RFC3: variants seen among roughly 807,000 people sequenced by gnomAD.
RFC3 encodes the protein replication factor C subunit 3.
Under a neutral mutation model 45.1 loss-of-function variants are expected in RFC3, and 41 were observed. That is an observed-to-expected ratio of 0.91 (90% CI 0.71 to 1.18). The LOEUF (loss-of-function observed/expected upper bound fraction) is 1.18, where lower values mean the gene tolerates loss of function less well. Among genes scored for constraint, RFC3 ranks in the 50% most tolerant of loss-of-function variants. The pLI is 0.00. For synonymous variants in RFC3, 149 were observed against 144.0 expected, an observed-to-expected ratio of 1.03 and a Z score of -0.25; for missense variants, 423 against 428.1, an observed-to-expected ratio of 0.99 and a Z score of 0.10.
chr13:33,973,409 T>C, the RFC3 span, among the ~76,000 whole-genome samples: 1 of 152,112 alleles, frequency 6.6e-6, no homozygotes, highest in Non-Finnish European at 1.5e-5. Context: ...CTGCCTTCAT[T>C]GAAACCGCTG....
intron 8 of RFC3, among the ~76,000 whole-genome samples, chr13:33,898,049 A>G (rs1293819052): frequency 6.6e-6 from 1 of 152,032 alleles, no homozygotes; most frequent in Non-Finnish European, 1.5e-5. Context: ...CTGTGATACA[A>G]TAGAAGTAGG....
At chr13:33,911,425 T>A (rs2082703179) in intron 8 of RFC3, among the ~76,000 whole-genome samples, 1 of 152,100 alleles carries the variant, frequency 6.6e-6, no homozygotes, top group Non-Finnish European at 1.5e-5. Context: ...TTAAAGCAAG[T>A]ATTTTGGGGT....
At chr13:33,916,237 C>T (rs2082732618) in intron 8 of RFC3, among the ~76,000 whole-genome samples, 2 of 152,186 alleles carry the variant, frequency 1.3e-5, no homozygotes, top group Admixed American at 1.3e-4. Context: ...ACTTTGGAGC[C>T]ACTCTTACCA....
chr13:33,876,743 A>G (rs2082449701), intron 8 of RFC3, among the ~76,000 whole-genome samples: 1 of 152,002 alleles, frequency 6.6e-6, no homozygotes, highest in South Asian at 2.1e-4. Context: ...GTTGGAATCT[A>G]CTCTTGGGTT....
intron 8 of RFC3, among the ~76,000 whole-genome samples, chr13:33,853,349 A>T (rs2082288563): frequency 6.6e-6 from 1 of 152,180 alleles, no homozygotes; most frequent in African/African-American, 2.4e-5. Flanking sequence ...GAAATAAGAG[A>T]TATGAACTCT....
downstream of RFC3, among the ~76,000 whole-genome samples, chr13:33,967,796 A>G (rs79939388): frequency 1.2e-4 from 2 of 16,114 alleles, no homozygotes; most frequent in African/African-American, 1.6e-4. Context: ...TACACCAGCA[A>G]TTCTTAAACT....
chr13:33,919,693 A>T (rs1452665982), intron 8 of RFC3, among the ~76,000 whole-genome samples: 1 of 152,078 alleles, frequency 6.6e-6, no homozygotes, highest in African/African-American at 2.4e-5. Flanking sequence ...TGCTTTTCAA[A>T]TGTCATTTTG....
intron 8 of RFC3, among the ~76,000 whole-genome samples, chr13:33,959,050 C>G (rs2083040091): frequency 1.3e-5 from 2 of 152,292 alleles, no homozygotes; most frequent in Admixed American, 1.3e-4. Flanking sequence ...GATTCTGTGT[C>G]TCCAGACATG....
chr13:33,858,299 A>G (rs2082319886), intron 8 of RFC3, among the ~76,000 whole-genome samples: 1 of 152,210 alleles, frequency 6.6e-6, no homozygotes, highest in African/African-American at 2.4e-5. Flanking sequence ...ATTCTCAGCT[A>G]TTCCAAATCA....
At position 33,852,388 on chromosome 13, in the gene RFC3, A is replaced by G. The variant is rs907396425; in HGVS notation, c.879+17171A>G. 3.3e-5 allele frequency among the ~76,000 whole-genome samples: 5 copies of G among 152,188 alleles called. 1 individual carries two copies. The highest frequency in any genetic ancestry group is 4.1e-4 in the South Asian group (2 of 4,836). On this transcript the variant is annotated intron_variant, in intron 8 of 8. Transcript: ENST00000434425. ...TTGCCTGTAAGGAGGCCTAAAGTCTAGCACTGCCCCCACCTAAAACCGTGT... is the reference window on the plus strand; with the variant it reads ...TTGCCTGTAAGGAGGCCTAAAGTCTGGCACTGCCCCCACCTAAAACCGTGT...
intron 8 of RFC3, among the ~76,000 whole-genome samples, chr13:33,880,171 G>A (rs550793218): frequency 5.3e-5 from 8 of 152,018 alleles, no homozygotes; most frequent in Non-Finnish European, 1.2e-4. Context: ...AGAATCTTTG[G>A]GGCATTGTTA....
At chr13:33,974,772 A>T in the RFC3 span, among the ~76,000 whole-genome samples, 4 of 152,246 alleles carry the variant, frequency 2.6e-5, no homozygotes, top group East Asian at 7.7e-4. Context: ...ATAAACATAT[A>T]AAAAGTTCCC....
intron 8 of RFC3, among the ~76,000 whole-genome samples, chr13:33,937,535 G>C (rs1178401674): frequency 6.6e-6 from 1 of 152,156 alleles, no homozygotes; most frequent in African/African-American, 2.4e-5. Context: ...TAGCTAGCAT[G>C]TGGCAAGTCT....
chr13:33,833,519 C>T (rs1212042749), intron 7 of RFC3, among the ~76,000 whole-genome samples: 1 of 152,010 alleles, frequency 6.6e-6, no homozygotes, highest in Non-Finnish European at 1.5e-5. Flanking sequence ...AATAATGACA[C>T]AGACATGGTA....
At chr13:33,870,984 T>C (rs1017509074) in intron 8 of RFC3, among the ~76,000 whole-genome samples, 1 of 152,170 alleles carries the variant, frequency 6.6e-6, no homozygotes, top group Non-Finnish European at 1.5e-5. Flanking sequence ...TCACACTGTG[T>C]CCCCTGTAGA....
chr13:33,916,353 A>G (rs1055170792), intron 8 of RFC3, among the ~76,000 whole-genome samples: 2 of 152,198 alleles, frequency 1.3e-5, no homozygotes, highest in African/African-American at 4.8e-5. Flanking sequence ...GAAAGAAAAA[A>G]AGAAAGCAAT....
At chr13:33,851,300 G>A (rs1304794027) in intron 8 of RFC3, among the ~76,000 whole-genome samples, 2 of 152,070 alleles carry the variant, frequency 1.3e-5, no homozygotes, top group East Asian at 3.9e-4. Flanking sequence ...ACAATGTCGG[G>A]GGTTGGAGCA....
At chr13:33,901,076 C>T (rs2082638765) in intron 8 of RFC3, among the ~76,000 whole-genome samples, 1 of 151,810 alleles carries the variant, frequency 6.6e-6, no homozygotes, top group African/African-American at 2.4e-5. Context: ...AGGGGGACCC[C>T]TTATACGCTG....
intron 8 of RFC3, among the ~76,000 whole-genome samples, chr13:33,870,658 G>A (rs1278253905): frequency 6.6e-6 from 1 of 152,146 alleles, no homozygotes; most frequent in Non-Finnish European, 1.5e-5. Context: ...TGGGTGCAAT[G>A]GAACAGCCGG....
Sources: allele counts gnomAD v4.1 joint callset (sites outside exome capture counted in the v4.1 genomes callset), GRCh38; gene constraint gnomAD v4.1.1; transcripts MANE v1.5; gene names NCBI Gene and HGNC (gene_info 2026-07-23, HGNC 2026-07-21).